The following PTK7 variants were observed in gnomAD, a reference collection of about 807,000 sequenced individuals.
PTK7 encodes inactive tyrosine-protein kinase 7.
Under a neutral mutation model 116.6 loss-of-function variants are expected in PTK7, and 39 were observed. The ratio of observed to expected loss-of-function variants is 0.33; its 90% confidence interval spans 0.26 to 0.44. The LOEUF is 0.44. Ranked by LOEUF, PTK7 falls within the 20% of genes least tolerant of loss-of-function variation. The pLI is 1.00. For missense variants in PTK7, 1,169 were observed against 1,425.6 expected (o/e 0.82, Z 2.90); for synonymous variants, 546 against 563.6 (o/e 0.97, Z 0.44).
At position 43,109,812 on chromosome 6, in the gene PTK7, G is replaced by C. The variant is rs1252427278; in HGVS notation, c.80-19165G>C. Among the ~76,000 whole-genome samples, 20 of 149,850 alleles carry C rather than the reference G, an allele frequency of 1.3e-4. No homozygotes were observed. The Admixed American group carries it at 1.3e-3, about 10-fold the overall frequency. On this transcript the variant is annotated intron_variant, in intron 1 of 19. Transcript: ENST00000230419. Reference sequence around the variant, plus strand: ...CTCCCGGGTTCACACCATTCTCCTGGCTTAGCCTCCCGAGTAGCTGGGACT... The same window carrying C: ...CTCCCGGGTTCACACCATTCTCCTGCCTTAGCCTCCCGAGTAGCTGGGACT...
chr6:43,110,476 A>G (rs1008562344), intron 1 of PTK7, among the ~76,000 whole-genome samples: 4 of 151,332 alleles, frequency 2.6e-5, no homozygotes, highest in African/African-American at 9.7e-5. Context: ...ACAGTGGCGC[A>G]ATCTTGGCTC....
intron 17 of PTK7, among the ~76,000 whole-genome samples, chr6:43,157,353 TATATATATA>T (rs1447210968): frequency 0.14 from 1,421 of 10,276 alleles, 242 homozygotes; most frequent in East Asian, 0.32. Context: ...TATATATATA[TATATATATA>T]TATTTTTTTT....
At chr6:43,125,785 G>A (rs1769253294) in intron 1 of PTK7, among the ~76,000 whole-genome samples, 1 of 152,218 alleles carries the variant, frequency 6.6e-6, no homozygotes, top group Admixed American at 6.5e-5. Flanking sequence ...AGAGGCAGAG[G>A]AAGCTGAGAC....
chr6:43,116,098 C>T (rs1768500709), intron 1 of PTK7, among the ~76,000 whole-genome samples: 2 of 152,010 alleles, frequency 1.3e-5, no homozygotes, highest in South Asian at 4.2e-4. Context: ...GTTTGTATCC[C>T]AGGTTGGGCC....
At chr6:43,127,333 C>T (rs185185335) in intron 1 of PTK7, among the ~76,000 whole-genome samples, 2 of 152,346 alleles carry the variant, frequency 1.3e-5, no homozygotes, top group East Asian at 3.9e-4. Flanking sequence ...TGCAAGTCGC[C>T]CACGCGGGCT....
At chr6:43,122,724 G>A (rs190788609) in intron 1 of PTK7, among the ~76,000 whole-genome samples, 3 of 150,726 alleles carry the variant, frequency 2.0e-5, no homozygotes, top group Admixed American at 1.3e-4. Context: ...CTCCTGTCTC[G>A]GCCGCCCAAG....
At position 43,129,951 on chromosome 6, in the gene PTK7, G is replaced by A. The variant is rs1769554870; in HGVS notation, c.470+122G>A. The stretch of plus-strand genomic sequence containing the variant: ...TGTGACCACTCGTTCCACCACCACA[G>A]TGCTCTTCACCCTGCCCTCCCCCAG... On this transcript the variant is annotated intron_variant, in intron 3 of 19. Coordinates refer to ENST00000230419, the MANE Select transcript of PTK7 (RefSeq NM_002821.5). The surrounding 1 kb of genome is among the most constrained non-coding windows in gnomAD (Gnocchi z 4.5). The A allele has an allele frequency of 9.7e-7, 1 of 1,027,382 alleles. No homozygotes were observed. The highest frequency in any genetic ancestry group is 1.5e-6 in the Non-Finnish European group (1 of 688,376). The allele number at this position is 1,027,382 out of a possible 1,614,324, so 63.6% of individuals were successfully genotyped here. A position where few individuals can be genotyped will look rare whatever the true frequency, so the allele number is the denominator to read the frequency against.
intron 1 of PTK7, among the ~76,000 whole-genome samples, chr6:43,096,472 G>A (rs1195748176): frequency 6.6e-6 from 1 of 152,096 alleles, no homozygotes; most frequent in Non-Finnish European, 1.5e-5. Context: ...GGTGGGTGGT[G>A]ACCGGACAAG....
At chr6:43,131,795 G>A (rs144782488) in intron 5 of PTK7, 83 of 605,576 alleles carry the variant, frequency 1.4e-4, no homozygotes, top group African/African-American at 1.3e-3. Context: ...ATTGCTTCCC[G>A]AGCTGATCTC....
chr6:43,130,169 A>G, intron 3 of PTK7, 61 bp from the exon 4 acceptor site: 2 of 1,469,090 alleles, frequency 1.4e-6, no homozygotes, highest in Non-Finnish European at 9.2e-7. Flanking sequence ...CTGATACTGT[A>G]TCCTCTCCAC....
intron 1 of PTK7, among the ~76,000 whole-genome samples, chr6:43,100,009 G>T (rs1582088102): frequency 6.6e-6 from 1 of 152,110 alleles, no homozygotes; most frequent in East Asian, 1.9e-4. Context: ...CACCACGCTT[G>T]GCTAGTTTTT....
chr6:43,110,727 A>T (rs185330764), intron 1 of PTK7, among the ~76,000 whole-genome samples: 25 of 152,252 alleles, frequency 1.6e-4, no homozygotes, highest in African/African-American at 5.1e-4. Context: ...AACAGTTTTT[A>T]TGAATGATTT....
In PTK7 at chr6:43,129,922, A is replaced by T; in HGVS notation, c.470+93A>T. The T allele has an allele frequency of 8.1e-7, 1 of 1,230,172 alleles. No individual in the cohort carries two copies. The allele number at this position is 1,230,172 out of a possible 1,614,324, so 76.2% of individuals were successfully genotyped here. A position where few individuals can be genotyped will look rare whatever the true frequency, so the allele number is the denominator to read the frequency against. Reference sequence around the variant, plus strand: ...CTCTATGCGGATGTTACCTCGCTCCATTCTGTGACCACTCGTTCCACCACC... The same window carrying T: ...CTCTATGCGGATGTTACCTCGCTCCTTTCTGTGACCACTCGTTCCACCACC... On this transcript the variant is annotated intron_variant, in intron 3 of 19. Coordinates refer to ENST00000230419, the MANE Select transcript of PTK7 (RefSeq NM_002821.5). The surrounding 1 kb of genome is among the most constrained non-coding windows in gnomAD (Gnocchi z 4.5).
chr6:43,077,347 C>G (rs1355274851), intron 1 of PTK7, among the ~76,000 whole-genome samples: 1 of 152,228 alleles, frequency 6.6e-6, no homozygotes, highest in African/African-American at 2.4e-5. Flanking sequence ...TCCTGGATTT[C>G]CATCCTGACT....
At chr6:43,096,706 C>A (rs998775085) in intron 1 of PTK7, among the ~76,000 whole-genome samples, 1 of 152,212 alleles carries the variant, frequency 6.6e-6, no homozygotes, top group Non-Finnish European at 1.5e-5. Flanking sequence ...TCTGCCTGGG[C>A]TAGCCTGGGC....
In PTK7 at chr6:43,143,887, C is replaced by G. The variant is rs1387248488; in HGVS notation, c.2251+267C>G. Among the ~76,000 whole-genome samples the G allele has an allele frequency of 6.6e-6, 1 of 152,216 alleles. No individual in the cohort carries two copies. The highest frequency in any genetic ancestry group is 1.9e-4 in the East Asian group (1 of 5,194). On this transcript the variant is annotated intron_variant, in intron 14 of 19. Coordinates refer to ENST00000230419, the MANE Select transcript of PTK7 (RefSeq NM_002821.5). This position sits in a 1 kb window ranked among gnomAD's most constrained non-coding sequence, Gnocchi z 4.2. Reference sequence around the variant, plus strand: ...CTGTTTCCTCCTCCCAGCACAAAACCACAGATATCATTAGTATATGTACAC... The same window carrying G: ...CTGTTTCCTCCTCCCAGCACAAAACGACAGATATCATTAGTATATGTACAC...
At chr6:43,078,533 A>G (rs1175135530) in intron 1 of PTK7, among the ~76,000 whole-genome samples, 1 of 152,116 alleles carries the variant, frequency 6.6e-6, no homozygotes, top group Admixed American at 6.5e-5. Context: ...TTCAGGGGCA[A>G]CGGTTTTTTA....
chr6:43,108,633 C>T (rs1374498617), intron 1 of PTK7, among the ~76,000 whole-genome samples: 2 of 152,198 alleles, frequency 1.3e-5, no homozygotes, highest in African/African-American at 4.8e-5. Flanking sequence ...AACTCCTGGC[C>T]TCAAGCGATC....
At chr6:43,085,015 T>TC (rs558193041) in intron 1 of PTK7, among the ~76,000 whole-genome samples, 33 of 152,320 alleles carry the variant, frequency 2.2e-4, no homozygotes, top group Non-Finnish European at 4.3e-4. Flanking sequence ...CACCAGTTTT[T>TC]CTGTATTCTG....
Sources: gnomAD v4.1 joint callset for allele counts (sites outside exome capture counted in the v4.1 genomes callset) on GRCh38, gnomAD v4.1.1 for gene constraint, Gnocchi (gnomAD v3.1) non-coding constraint, MANE v1.5 for transcripts, NCBI Gene and HGNC (gene_info 2026-07-23, HGNC 2026-07-21) for gene names.